CRTC1: variants seen among roughly 807,000 people sequenced by gnomAD.
CRTC1 encodes the protein CREB-regulated transcription coactivator 1.
A neutral mutation model predicts 66.1 loss-of-function variants in CRTC1; 18 were observed. The observed-to-expected ratio is 0.27, with a 90% CI of 0.19 to 0.40. CRTC1 has a LOEUF of 0.40. CRTC1 is among the 10% of genes least tolerant of loss of function. The pLI, the probability that CRTC1 is intolerant of heterozygous loss-of-function variation, is 1.00. For synonymous variants in CRTC1, 416 were observed against 398.8 expected, an observed-to-expected ratio of 1.04 and a Z score of -0.51; for missense variants, 669 against 887.9, an observed-to-expected ratio of 0.75 and a Z score of 3.13.
chr19:18,696,331 C>T, intron 1 of CRTC1, among the ~76,000 whole-genome samples: 1 of 152,126 alleles, frequency 6.6e-6, no homozygotes, highest in Admixed American at 6.5e-5. Flanking sequence ...GGGTGGAGGG[C>T]CTGGAGCCAG....
intron 12 of CRTC1, 77 bp downstream of exon 12, chr19:18,775,063 C>T: frequency 6.9e-7 from 1 of 1,443,322 alleles, no homozygotes; most frequent in South Asian, 1.2e-5. Flanking sequence ...GGACCCGGGC[C>T]TTGCGAGTCA....
At chr19:18,744,594 A>G (rs932890879) in intron 2 of CRTC1, among the ~76,000 whole-genome samples, 1 of 152,146 alleles carries the variant, frequency 6.6e-6, no homozygotes, top group Non-Finnish European at 1.5e-5. Flanking sequence ...CCCCCGCTTC[A>G]TTCTGCCTCT....
chr19:18,767,054 T>G (rs899044182), intron 9 of CRTC1, among the ~76,000 whole-genome samples: 3 of 152,210 alleles, frequency 2.0e-5, no homozygotes, highest in Non-Finnish European at 2.9e-5. Flanking sequence ...CTTATAAGGC[T>G]ATTCAGGTTT....
At chr19:18,725,094 C>CTGGTG (rs1470966834) in intron 1 of CRTC1, among the ~76,000 whole-genome samples, 1 of 152,110 alleles carries the variant, frequency 6.6e-6, no homozygotes, top group African/African-American at 2.4e-5. Flanking sequence ...CAGGAGACCC[C>CTGGTG]TGTATGCTTC....
intron 1 of CRTC1, among the ~76,000 whole-genome samples, chr19:18,696,799 G>A (rs1185316208): frequency 3.3e-5 from 5 of 150,976 alleles, no homozygotes; most frequent in East Asian, 3.9e-4. Flanking sequence ...GGAGGAGGGC[G>A]AGCAGCTGGA....
Position 18,760,116 on chromosome 19 carries a change from C to T in CRTC1, c.774C>T (p.Leu258=), listed in dbSNP as rs199622641. 1.2e-6 allele frequency: 2 copies of T among 1,613,954 alleles called. No homozygotes were observed. Among genetic ancestry groups the T allele is most frequent in the Admixed American group, 1.7e-5 (1 of 60,000 alleles). ...CCAACATCCACTTCCCCTCCCCGCTCCCGACCCCGCTGGACCCCGAGGAGC... is the reference window on the plus strand; with the variant it reads ...CCAACATCCACTTCCCCTCCCCGCTTCCGACCCCGCTGGACCCCGAGGAGC... The part of the protein sequence containing the change: ...DLTNIHFPSP[L]PTPLDPEEPT... The change falls in exon 8 of 14, where the codon CTC becomes CTT. Residue 258 remains leucine, a synonymous_variant. Transcript: ENST00000321949. This position sits in a 1 kb window ranked among gnomAD's most constrained non-coding sequence, Gnocchi z 6.2.
intron 1 of CRTC1, among the ~76,000 whole-genome samples, chr19:18,690,853 G>A (rs2052813177): frequency 1.3e-5 from 2 of 151,718 alleles, no homozygotes; most frequent in Non-Finnish European, 2.9e-5. Context: ...GTGAAGCCCC[G>A]TCTCTACTAA....
At chr19:18,775,319 G>A (rs1005538793) in intron 12 of CRTC1, among the ~76,000 whole-genome samples, 5 of 152,242 alleles carry the variant, frequency 3.3e-5, no homozygotes, top group Non-Finnish European at 7.3e-5. Flanking sequence ...GGCATGGACC[G>A]TGCACGCGGG....
At chr19:18,745,750 C>A in intron 2 of CRTC1, 73 bp from the exon 3 acceptor site, 2 of 1,591,190 alleles carry the variant, frequency 1.3e-6, no homozygotes, top group South Asian at 1.1e-5. Context: ...GACTCTGGGG[C>A]CAGCGCTGGG....
At chr19:18,738,543 T>C (rs982522172) in intron 1 of CRTC1, among the ~76,000 whole-genome samples, 1 of 152,116 alleles carries the variant, frequency 6.6e-6, no homozygotes, top group Admixed American at 6.5e-5. Context: ...GGCTCACTCC[T>C]GTAATCCCAG....
chr19:18,726,093 G>A (rs575125481), intron 1 of CRTC1, among the ~76,000 whole-genome samples: 1 of 152,388 alleles, frequency 6.6e-6, no homozygotes, highest in African/African-American at 2.4e-5. Flanking sequence ...TGTTCTCCCA[G>A]CTGGTGATGC....
chr19:18,742,371 A>G (rs1333811381), intron 1 of CRTC1, among the ~76,000 whole-genome samples: 1 of 152,128 alleles, frequency 6.6e-6, no homozygotes, highest in Non-Finnish European at 1.5e-5. Flanking sequence ...TCTAGAACTC[A>G]AGCTGGGTCT....
intron 1 of CRTC1, among the ~76,000 whole-genome samples, chr19:18,720,657 C>T (rs924128775): frequency 5.9e-5 from 9 of 151,924 alleles, no homozygotes; most frequent in East Asian, 1.9e-4. Flanking sequence ...TGAGCCACCA[C>T]GCCCGGCCTA....
intron 1 of CRTC1, among the ~76,000 whole-genome samples, chr19:18,718,095 C>G (rs1023545219): frequency 7.2e-5 from 11 of 152,286 alleles, no homozygotes; most frequent in African/African-American, 2.6e-4. Context: ...TCACAGCTAT[C>G]TAGTTCCAGA....
intron 6 of CRTC1, among the ~76,000 whole-genome samples, chr19:18,758,814 G>A (rs548245067): frequency 6.6e-6 from 1 of 152,192 alleles, no homozygotes; most frequent in South Asian, 2.1e-4. Context: ...GGAGACTGGT[G>A]GCTGCTCACA....
intron 8 of CRTC1, 69 bp from the exon 9 acceptor site, chr19:18,765,335 G>T (rs1324450519): frequency 1.9e-6 from 3 of 1,551,704 alleles, no homozygotes; most frequent in Non-Finnish European, 2.6e-6. Context: ...GTGACTGTGG[G>T]TGTGTAAGCA....
intron 5 of CRTC1, among the ~76,000 whole-genome samples, chr19:18,751,167 G>A (rs745740264): frequency 3.9e-5 from 6 of 152,186 alleles, no homozygotes; most frequent in Non-Finnish European, 7.3e-5. Context: ...CTATCTGGCT[G>A]TGCTCATCGT....
intron 1 of CRTC1, among the ~76,000 whole-genome samples, chr19:18,718,599 T>C (rs969233431): frequency 6.6e-6 from 1 of 151,454 alleles, no homozygotes; most frequent in East Asian, 2.0e-4. Context: ...CTCCTCCGCC[T>C]CCCAAAGTGC....
At chr19:18,751,596 C>A (rs1357454527) in intron 5 of CRTC1, among the ~76,000 whole-genome samples, 1 of 152,208 alleles carries the variant, frequency 6.6e-6, no homozygotes, top group Non-Finnish European at 1.5e-5. Flanking sequence ...AAGGCACTTT[C>A]AGGCCCGGCT....
Sources: allele counts gnomAD v4.1 joint callset (sites outside exome capture counted in the v4.1 genomes callset), GRCh38; gene constraint gnomAD v4.1.1; non-coding constraint Gnocchi (gnomAD v3.1); transcripts MANE v1.5; gene names NCBI Gene and HGNC (gene_info 2026-07-23, HGNC 2026-07-21).